The following BRINP3 variants were observed in gnomAD, a reference collection of about 807,000 sequenced individuals.
The protein encoded by BRINP3 is BMP/retinoic acid-inducible neural-specific protein 3.
Under a neutral mutation model 71.0 loss-of-function variants are expected in BRINP3, and 19 were observed. The ratio of observed to expected loss-of-function variants is 0.27; its 90% CI spans 0.19 to 0.39. BRINP3 has a LOEUF of 0.39. Ranked by LOEUF, BRINP3 falls within the 10% of genes least tolerant of loss-of-function variation. The pLI is 1.00. For missense variants in BRINP3, 959 were observed against 940.8 expected (o/e 1.02, Z -0.25); for synonymous variants, 380 against 337.7 (o/e 1.13, Z -1.37).
chr1:190,106,817 C>T (rs1652211735), intron 7 of BRINP3, among the ~76,000 whole-genome samples: 1 of 151,648 alleles, frequency 6.6e-6, no homozygotes, highest in Admixed American at 6.6e-5. Context: ...TGTTTCATGA[C>T]CAATTTCCCA....
chr1:190,165,732 G>A (rs1053905149), intron 6 of BRINP3, among the ~76,000 whole-genome samples: 2 of 151,206 alleles, frequency 1.3e-5, no homozygotes, highest in African/African-American at 2.4e-5. Context: ...CAAAAACCTC[G>A]ACACTACAGA....
intron 2 of BRINP3, among the ~76,000 whole-genome samples, chr1:190,407,007 G>T (rs1341774645): frequency 1.3e-5 from 2 of 152,152 alleles, no homozygotes; most frequent in Non-Finnish European, 2.9e-5. Context: ...CAGCAGGACA[G>T]AATGTATGCC....
intron 2 of BRINP3, among the ~76,000 whole-genome samples, chr1:190,396,378 A>T (rs2102331813): frequency 6.6e-6 from 1 of 151,772 alleles, no homozygotes; most frequent in East Asian, 1.9e-4. Context: ...ATCCTCAGTA[A>T]CTGTAGCCAG....
intron 2 of BRINP3, among the ~76,000 whole-genome samples, chr1:190,400,022 T>C (rs1053948335): frequency 1.3e-5 from 2 of 152,058 alleles, no homozygotes; most frequent in African/African-American, 4.8e-5. Flanking sequence ...TTAAGTCAAT[T>C]AGCATTTGTT....
At chr1:190,135,190 G>A (rs1654872511) in intron 7 of BRINP3, among the ~76,000 whole-genome samples, 2 of 152,010 alleles carry the variant, frequency 1.3e-5, no homozygotes, top group Non-Finnish European at 1.5e-5. Context: ...ATCCTTTCAA[G>A]ATGCTGTTAA....
intron 4 of BRINP3, among the ~76,000 whole-genome samples, chr1:190,238,968 G>A (rs773034039): frequency 7.9e-5 from 12 of 152,168 alleles, no homozygotes; most frequent in African/African-American, 1.2e-4. Context: ...CCACATGGCT[G>A]GGGAGACCTC....
chr1:190,338,652 A>G (rs1209135099), intron 2 of BRINP3, among the ~76,000 whole-genome samples: 1 of 151,958 alleles, frequency 6.6e-6, no homozygotes, highest in Non-Finnish European at 1.5e-5. Context: ...TTGTCTATCA[A>G]TTTATAATAA....
chr1:190,187,853 G>T, intron 6 of BRINP3, among the ~76,000 whole-genome samples: 1 of 151,216 alleles, frequency 6.6e-6, no homozygotes, highest in East Asian at 1.9e-4. Flanking sequence ...GGATTGCTTT[G>T]GCTATTCAGA....
chr1:190,190,443 G>T (rs1210164473), intron 6 of BRINP3, among the ~76,000 whole-genome samples: 2 of 151,970 alleles, frequency 1.3e-5, no homozygotes, highest in Non-Finnish European at 2.9e-5. Flanking sequence ...CTCTCATTTG[G>T]TTTTCTTAGT....
At chr1:190,192,788 CCAGGCTCAAT>C (rs1164799088) in intron 6 of BRINP3, among the ~76,000 whole-genome samples, 1 of 151,994 alleles carries the variant, frequency 6.6e-6, no homozygotes, top group East Asian at 1.9e-4. Context: ...TTTCTGCAAA[CCAGGCTCAAT>C]AAAACTGGTT....
chr1:190,116,627 T>C (rs1015964245), intron 7 of BRINP3, among the ~76,000 whole-genome samples: 1 of 152,072 alleles, frequency 6.6e-6, no homozygotes. Context: ...CTAAAGGGAC[T>C]AAACACAATT....
chr1:190,153,211 G>A (rs1292498244), intron 7 of BRINP3, among the ~76,000 whole-genome samples: 1 of 151,968 alleles, frequency 6.6e-6, no homozygotes, highest in East Asian at 1.9e-4. Context: ...CCCTTGAATC[G>A]GAATTCAGAC....
In BRINP3 at chr1:190,164,702, G is replaced by A. The variant is rs144992934; in HGVS notation, c.962-3812C>T. 6.7e-4 allele frequency among the ~76,000 whole-genome samples: 102 copies of A among 151,778 alleles called. 2 individuals carry two copies. In the East Asian group the frequency reaches 0.017, roughly 25 times the overall value. ...AGCTCTTGGGCTCACGCAATTCTCC[G>A]GCCTCGTCCACTCCAGCAGGTAGGA... On this transcript the variant is annotated intron_variant, in intron 6 of 7. Transcript: ENST00000367462.
At chr1:190,201,389 T>TA (rs1654991757) in intron 6 of BRINP3, among the ~76,000 whole-genome samples, 1 of 150,144 alleles carries the variant, frequency 6.7e-6, no homozygotes, top group African/African-American at 2.4e-5. Flanking sequence ...CATTCAATTT[T>TA]ATCAGGAAAG....
At chr1:190,291,953 A>G (rs754511176) in intron 2 of BRINP3, among the ~76,000 whole-genome samples, 1 of 152,180 alleles carries the variant, frequency 6.6e-6, no homozygotes, top group Non-Finnish European at 1.5e-5. Context: ...TGGAGTACTT[A>G]TCAGCCATAA....
At chr1:190,199,168 A>G (rs12093475) in intron 6 of BRINP3, among the ~76,000 whole-genome samples, 2,734 of 152,274 alleles carry the variant, frequency 0.018, 81 homozygotes, top group African/African-American at 0.062. Context: ...AGAACAGCAC[A>G]GGAAACACCC....
intron 6 of BRINP3, among the ~76,000 whole-genome samples, chr1:190,223,571 A>G (rs1040662137): frequency 6.6e-6 from 1 of 151,980 alleles, no homozygotes. Context: ...AATGAGAAAA[A>G]TAATTTTTTC....
At chr1:190,133,730 T>C (rs1396310317) in intron 7 of BRINP3, among the ~76,000 whole-genome samples, 2 of 152,128 alleles carry the variant, frequency 1.3e-5, no homozygotes, top group South Asian at 2.1e-4. Context: ...GTTACAATAG[T>C]ACATCCATAT....
At chr1:190,211,931 G>A (rs1202344272) in intron 6 of BRINP3, among the ~76,000 whole-genome samples, 1 of 152,026 alleles carries the variant, frequency 6.6e-6, no homozygotes, top group East Asian at 1.9e-4. Context: ...AAAACAAATA[G>A]CAGCAGAAAT....
Sources: allele counts gnomAD v4.1 joint callset (sites outside exome capture counted in the v4.1 genomes callset), GRCh38; gene constraint gnomAD v4.1.1; transcripts MANE v1.5; gene names NCBI Gene and HGNC (gene_info 2026-07-23, HGNC 2026-07-21).